The following DNAH3 variants were observed in gnomAD, a reference collection of about 807,000 sequenced individuals.
DNAH3 encodes the protein dynein axonemal heavy chain 3, also known as axonemal beta dynein heavy chain 3.
DNAH3 carries 332 observed loss-of-function variants against 432.5 expected under a neutral mutation model. The observed-to-expected ratio is 0.77, with a 90% confidence interval of 0.70 to 0.84. The LOEUF (loss-of-function observed/expected upper bound fraction) is 0.84, where lower values mean the gene tolerates loss of function less well. Ranked by LOEUF, DNAH3 falls within the 40% of genes least tolerant of loss-of-function variation. DNAH3 has a pLI of 0.00. For synonymous variants in DNAH3, 1,956 were observed against 1,900.2 expected, an observed-to-expected ratio of 1.03 and a Z score of -0.76; for missense variants, 4,861 against 5,114.0, an observed-to-expected ratio of 0.95 and a Z score of 1.51.
rs117004028 is a variant in DNAH3 at position 20,957,162 on chromosome 16, C to T, written c.10826+2017G>A. Reference sequence around the variant, plus strand: ...ACTTTCCCTCTTTTCTGGCAGACGACTGAGATGAAAATAACCAGCTAGTTT... The same window carrying T: ...ACTTTCCCTCTTTTCTGGCAGACGATTGAGATGAAAATAACCAGCTAGTTT... On this transcript the variant is annotated intron_variant, in intron 54 of 61. Transcript: ENST00000261383. 1.3e-3 allele frequency among the ~76,000 whole-genome samples: 204 copies of T among 152,264 alleles called. 3 individuals are homozygous for T. The East Asian group carries it at 0.037, about 28-fold the overall frequency.
At chr16:21,105,153 G>A (rs1312756754) in intron 15 of DNAH3, among the ~76,000 whole-genome samples, 1 of 152,136 alleles carries the variant, frequency 6.6e-6, no homozygotes, top group African/African-American at 2.4e-5. Flanking sequence ...GGTGTATCCA[G>A]GGGTCGAGGG....
intron 23 of DNAH3, among the ~76,000 whole-genome samples, chr16:21,068,175 C>T (rs987299913): frequency 1.3e-5 from 2 of 152,170 alleles, no homozygotes; most frequent in Non-Finnish European, 2.9e-5. Context: ...CATAAAAGAT[C>T]CCTCTAGGTG....
At chr16:21,039,234 T>G (rs970546309) in intron 33 of DNAH3, among the ~76,000 whole-genome samples, 7 of 148,806 alleles carry the variant, frequency 4.7e-5, no homozygotes, top group African/African-American at 1.5e-4. Context: ...TTTTTTTTTT[T>G]TTGAGACAGG....
At chr16:21,019,348 C>A (rs572786502) in intron 41 of DNAH3, 4 of 405,704 alleles carry the variant, frequency 9.9e-6, no homozygotes, top group Non-Finnish European at 1.8e-5. Context: ...TTAATAGAGA[C>A]GGGGTTTCAC....
At chr16:21,005,361 ATTCT>A (rs1289025060) in intron 41 of DNAH3, among the ~76,000 whole-genome samples, 7 of 103,546 alleles carry the variant, frequency 6.8e-5, no homozygotes, top group African/African-American at 2.3e-4. Context: ...CCTCTCTTTC[ATTCT>A]TTCTCTCTTT....
At chr16:21,107,239 C>CCT (rs763547664) in intron 14 of DNAH3, among the ~76,000 whole-genome samples, 6 of 91,304 alleles carry the variant, frequency 6.6e-5, no homozygotes, top group Non-Finnish European at 1.3e-4. Flanking sequence ...AATTTTTAAT[C>CCT]TTTTTTTTTT....
At chr16:21,121,197 TACCA>T in intron 10 of DNAH3, 1 of 395,128 alleles carries the variant, frequency 2.5e-6, no homozygotes, top group Non-Finnish European at 4.9e-6. Flanking sequence ...CCTTTGGTCA[TACCA>T]ACCAATCAGA....
chr16:21,047,073 G>A (rs1487592912), intron 31 of DNAH3, among the ~76,000 whole-genome samples: 1 of 151,878 alleles, frequency 6.6e-6, no homozygotes, highest in African/African-American at 2.4e-5. Flanking sequence ...TTCCCTTTGA[G>A]GGTAACCCGA....
chr16:21,026,850 T>TTG (rs1004732231), intron 38 of DNAH3, among the ~76,000 whole-genome samples, 177 bp downstream of exon 38: 1 of 152,024 alleles, frequency 6.6e-6, no homozygotes, highest in Non-Finnish European at 1.5e-5. Flanking sequence ...TTTACTCATG[T>TTG]AACAAAGCTG....
intron 50 of DNAH3, among the ~76,000 whole-genome samples, chr16:20,977,455 T>C (rs2085647774): frequency 6.6e-6 from 1 of 152,040 alleles, no homozygotes; most frequent in Admixed American, 6.6e-5. Context: ...CCCCTGAAGT[T>C]TGCACTCACT....
chr16:20,972,639 G>A (rs1464084758), intron 51 of DNAH3, among the ~76,000 whole-genome samples: 2 of 151,964 alleles, frequency 1.3e-5, no homozygotes, highest in African/African-American at 2.4e-5. Flanking sequence ...ACTCTGACAG[G>A]GATCAGACCC....
rs148892899 is a variant in DNAH3 at position 21,037,935 on chromosome 16, T to C, written c.4776A>G (p.Gln1592=). Residue 1592 remains glutamine (Q), a synonymous_variant, in exon 34 of 62, where the codon CAA becomes CAG. Coordinates refer to ENST00000261383, the Ensembl canonical transcript of DNAH3. ...AGTCATAGTGATGCTGAGAGGACAG[T>C]TGTTCCGAGCACAGGCGGTAGGTCG... is the stretch of plus-strand genomic sequence containing the variant. 1.6e-4 allele frequency: 258 copies of C among 1,614,192 alleles called. No individual in the cohort carries two copies. The African/African-American group carries it at 3.1e-3, about 20-fold the overall frequency.
At chr16:20,980,263 T>TA (rs1195170240) in intron 49 of DNAH3, among the ~76,000 whole-genome samples, 17 of 141,008 alleles carry the variant, frequency 1.2e-4, no homozygotes, top group African/African-American at 2.9e-4. Flanking sequence ...TCATATATTA[T>TA]ATTATAATAT....
At chr16:21,000,715 C>G (rs1403124841) in intron 42 of DNAH3, among the ~76,000 whole-genome samples, 197 bp from the exon 43 acceptor site, 2 of 152,174 alleles carry the variant, frequency 1.3e-5, no homozygotes, top group African/African-American at 2.4e-5. Flanking sequence ...ATTCACAGAG[C>G]TGGCTTGAGG....
intron 1 of DNAH3, among the ~76,000 whole-genome samples, chr16:21,159,100 G>C (rs567306401): frequency 6.6e-6 from 1 of 151,864 alleles, no homozygotes; most frequent in African/African-American, 2.4e-5. Context: ...GGGGAACCTG[G>C]GGAAGACGTC....
intron 44 of DNAH3, among the ~76,000 whole-genome samples, chr16:20,989,390 G>A (rs2086418667): frequency 6.6e-6 from 1 of 151,512 alleles, no homozygotes; most frequent in Non-Finnish European, 1.5e-5. Context: ...TGATTGGTGT[G>A]TTTACAATCC....
At chr16:21,069,003 C>G (rs113296291) in intron 23 of DNAH3, among the ~76,000 whole-genome samples, 94 of 152,110 alleles carry the variant, frequency 6.2e-4, no homozygotes, top group African/African-American at 2.2e-3. Context: ...CAGGTCACTG[C>G]AACCGCCGCC....
chr16:20,966,560 A>G (rs2085072565), intron 52 of DNAH3, among the ~76,000 whole-genome samples: 3 of 152,142 alleles, frequency 2.0e-5, no homozygotes, highest in African/African-American at 7.2e-5. Flanking sequence ...TTCAATTATT[A>G]TCTACCATCT....
intron 7 of DNAH3, among the ~76,000 whole-genome samples, chr16:21,132,154 G>A (rs537787728): frequency 4.6e-5 from 7 of 152,194 alleles, no homozygotes; most frequent in South Asian, 4.1e-4. Flanking sequence ...TCTGTCCTAC[G>A]TTGACTTCAC....
Sources: gnomAD v4.1 joint callset for allele counts (sites outside exome capture counted in the v4.1 genomes callset) on GRCh38, gnomAD v4.1.1 for gene constraint, MANE v1.5 for transcripts, NCBI Gene and HGNC (gene_info 2026-07-23, HGNC 2026-07-21) for gene names.